Variants in SCARA3 observed in about 807,000 individuals in gnomAD.
The protein encoded by SCARA3 is cellular stress response gene protein.
Under a neutral mutation model 47.0 loss-of-function variants are expected in SCARA3, and 39 were observed. That is an observed-to-expected ratio of 0.83 (90% CI 0.64 to 1.08). The LOEUF (loss-of-function observed/expected upper bound fraction) is 1.08, where lower values mean the gene tolerates loss of function less well. Ranked by LOEUF, SCARA3 falls within the 50% of genes least tolerant of loss-of-function variation. The pLI is 0.00. For missense variants in SCARA3, 724 were observed against 792.3 expected (o/e 0.91, Z 1.04); for synonymous variants, 356 against 334.1 (o/e 1.07, Z -0.71).
At chr8:27,648,419 A>G (rs1025362837) in intron 1 of SCARA3, among the ~76,000 whole-genome samples, 3 of 152,202 alleles carry the variant, frequency 2.0e-5, no homozygotes, top group African/African-American at 7.2e-5. Context: ...CCTGGCTAAC[A>G]TGGTGAAACC....
At chr8:27,700,270 A>G in the SCARA3 span, among the ~76,000 whole-genome samples, 2 of 152,178 alleles carry the variant, frequency 1.3e-5, no homozygotes, top group Non-Finnish European at 2.9e-5. Flanking sequence ...TATGAGACAA[A>G]GGACTTGCTT....
At chr8:27,718,962 A>G in the SCARA3 span, among the ~76,000 whole-genome samples, 2 of 152,234 alleles carry the variant, frequency 1.3e-5, no homozygotes, top group Non-Finnish European at 2.9e-5. Context: ...TCAAGACGTA[A>G]ATAGAGGATA....
At chr8:27,650,233 G>A (rs1801603227) in intron 2 of SCARA3, among the ~76,000 whole-genome samples, 1 of 152,128 alleles carries the variant, frequency 6.6e-6, no homozygotes, top group African/African-American at 2.4e-5. Flanking sequence ...GGCCTCAAGT[G>A]ATCTGCCCGC....
At chr8:27,668,801 T>G in intron 5 of SCARA3, among the ~76,000 whole-genome samples, 1 of 152,122 alleles carries the variant, frequency 6.6e-6, no homozygotes, top group Non-Finnish European at 1.5e-5. Context: ...ATTGTGCCAC[T>G]GCATTCCAGC....
intron 1 of SCARA3, among the ~76,000 whole-genome samples, chr8:27,648,908 A>G (rs1202223354): frequency 6.6e-6 from 1 of 150,780 alleles, no homozygotes; most frequent in Non-Finnish European, 1.5e-5. Flanking sequence ...AAGGAAAGGA[A>G]AGGAAAGGAG....
At chr8:27,689,666 C>A in the SCARA3 span, among the ~76,000 whole-genome samples, 2 of 152,200 alleles carry the variant, frequency 1.3e-5, no homozygotes, top group Admixed American at 1.3e-4. Context: ...GATGGCCCAG[C>A]TGGGTCCTTG....
the SCARA3 span, among the ~76,000 whole-genome samples, chr8:27,689,702 T>TA: frequency 1.8e-4 from 28 of 152,260 alleles, no homozygotes; most frequent in African/African-American, 6.7e-4. Flanking sequence ...TCACAGAACC[T>TA]AGTGGGATGG....
chr8:27,658,042 A>T (rs1801779963), intron 4 of SCARA3, among the ~76,000 whole-genome samples: 1 of 152,166 alleles, frequency 6.6e-6, no homozygotes, highest in African/African-American at 2.4e-5. Context: ...ACGCAAATAG[A>T]AGGTTCTGGT....
upstream of SCARA3, among the ~76,000 whole-genome samples, chr8:27,633,510 G>A (rs564748186): frequency 3.3e-5 from 5 of 152,202 alleles, no homozygotes; most frequent in Non-Finnish European, 7.3e-5. Context: ...AGAAAAACGT[G>A]CAGGGCTAAA....
chr8:27,715,614 G>A, the SCARA3 span, among the ~76,000 whole-genome samples: 3 of 151,796 alleles, frequency 2.0e-5, no homozygotes, highest in Non-Finnish European at 4.4e-5. This position sits in a 1 kb window ranked among gnomAD's most constrained non-coding sequence, Gnocchi z 4.2. Flanking sequence ...TAGATAGATA[G>A]ATAGATAGAT....
chr8:27,672,631 G>A lies in SCARA3; in HGVS notation c.*1280G>A. 1.0e-6 allele frequency: 1 copy of A among 985,542 alleles called. No individual in the cohort carries two copies. The highest frequency in any genetic ancestry group is 1.2e-6 in the Non-Finnish European group (1 of 830,014). The allele number at this position is 985,542 out of a possible 1,614,324, so 61.0% of individuals were successfully genotyped here. ...GCTGGACTAGGAGTGGGAAGGGCCT[G>A]GACACTCACAGAGGCCCCCTCTGTC... On this transcript the variant is annotated 3_prime_UTR_variant, in exon 6 of 6. Coordinates refer to ENST00000301904, the MANE Select transcript of SCARA3 (RefSeq NM_016240.3).
At chr8:27,679,434 C>T (rs532061758), downstream of SCARA3, among the ~76,000 whole-genome samples, 2 of 152,068 alleles carry the variant, frequency 1.3e-5, no homozygotes, top group Admixed American at 6.6e-5. Flanking sequence ...ATATTCACTT[C>T]TCATAAGTCA....
At chr8:27,639,858 C>G (rs544372675) in intron 1 of SCARA3, among the ~76,000 whole-genome samples, 1 of 152,314 alleles carries the variant, frequency 6.6e-6, no homozygotes, top group East Asian at 1.9e-4. Flanking sequence ...ACCGCGTTGA[C>G]TGCTGATCAG....
downstream of SCARA3, among the ~76,000 whole-genome samples, chr8:27,681,476 C>T (rs1802353313): frequency 6.6e-6 from 1 of 152,158 alleles, no homozygotes; most frequent in Admixed American, 6.5e-5. Flanking sequence ...ATAATCCCAA[C>T]ATTTTGGAAA....
At chr8:27,699,739 G>A in the SCARA3 span, among the ~76,000 whole-genome samples, 235 of 151,978 alleles carry the variant, frequency 1.5e-3, 1 homozygote, top group African/African-American at 5.5e-3. Context: ...GACCAGCCTA[G>A]ACAATATAGT....
At chr8:27,637,444 C>T (rs1801277877) in intron 1 of SCARA3, among the ~76,000 whole-genome samples, 1 of 152,198 alleles carries the variant, frequency 6.6e-6, no homozygotes, top group Admixed American at 6.5e-5. Flanking sequence ...CAGGCTGGTG[C>T]ACCGTGAAGA....
chr8:27,668,914 G>A (rs1802080880), intron 5 of SCARA3, among the ~76,000 whole-genome samples: 1 of 152,198 alleles, frequency 6.6e-6, no homozygotes, highest in Non-Finnish European at 1.5e-5. Context: ...CAAAGATGGT[G>A]GCATAGAAAG....
In SCARA3 at chr8:27,658,310, G is replaced by A. The variant is rs143853035; in HGVS notation, c.326-186G>A. On this transcript the variant is annotated intron_variant, in intron 4 of 5. Coordinates refer to ENST00000301904, the MANE Select transcript of SCARA3 (RefSeq NM_016240.3). The stretch of plus-strand genomic sequence containing the variant: ...TTTCAGATCAGAGTCAAGAAAGTCG[G>A]TAAAAATGAGATTCCATAGAGGTGG... Among the ~76,000 whole-genome samples the A allele has an allele frequency of 8.7e-4, 133 of 152,280 alleles. 1 individual carries two copies. The highest frequency in any genetic ancestry group is 2.8e-3 in the African/African-American group (118 of 41,544).
rs1802164365 is a variant in SCARA3, at chr8:27,671,651, CAT to C, written c.*301_*302del. On this transcript the variant is annotated 3_prime_UTR_variant, in exon 6 of 6. Transcript: ENST00000301904. ...ACAGGCATACATGCATGCACACACA[CAT>C]GCACGCACACACACATGCACACATA... The C allele has an allele frequency of 5.3e-6, 6 of 1,123,544 alleles. No individual in the cohort carries two copies. The South Asian group carries it at 2.7e-4, about 50-fold the overall frequency. The allele number at this position is 1,123,544 out of a possible 1,614,324, so 69.6% of individuals were successfully genotyped here.
Sources: gnomAD v4.1 joint callset for allele counts (sites outside exome capture counted in the v4.1 genomes callset) on GRCh38, gnomAD v4.1.1 for gene constraint, Gnocchi (gnomAD v3.1) non-coding constraint, MANE v1.5 for transcripts, NCBI Gene and HGNC (gene_info 2026-07-23, HGNC 2026-07-21) for gene names.